Variants in EPB41L4A observed in about 807,000 individuals in gnomAD.
The protein encoded by EPB41L4A is band 4.1-like protein 4A.
In EPB41L4A, 100 loss-of-function variants were observed where a neutral mutation model predicts 108.6. That is an observed-to-expected ratio of 0.92 (90% confidence interval 0.78 to 1.09). The LOEUF is 1.09. EPB41L4A is among the 50% of genes least tolerant of loss of function. EPB41L4A has a pLI of 0.00. For missense variants in EPB41L4A, 1,030 were observed against 842.7 expected (o/e 1.22, Z -2.75); for synonymous variants, 319 against 289.0 (o/e 1.10, Z -1.05).
chr5:112,419,231 C>A lies in EPB41L4A; in HGVS notation c.-192G>T. The A allele has an allele frequency of 2.2e-6, 1 of 455,292 alleles. No homozygotes were observed. The highest frequency in any genetic ancestry group is 4.4e-5 in the Admixed American group (1 of 22,672). 28.2% of individuals were successfully genotyped at this position (455,292 alleles called of 1,614,324 possible). ...CGGGAGCGAGAAAGGCGGAAAAGCC[C>A]GGGAGAGTCAGCGCCCGGGAGCCGC... On this transcript the variant is annotated 5_prime_UTR_variant, in exon 1 of 23. Coordinates refer to ENST00000261486, the MANE Select transcript of EPB41L4A (RefSeq NM_022140.5).
At chr5:112,223,389 T>A (rs1305832872) in intron 12 of EPB41L4A, among the ~76,000 whole-genome samples, 2 of 152,002 alleles carry the variant, frequency 1.3e-5, no homozygotes, top group Non-Finnish European at 2.9e-5. Flanking sequence ...AAAAAATCAA[T>A]CCCAGAGTTT....
chr5:112,174,846 T>A (rs762036299), intron 18 of EPB41L4A, among the ~76,000 whole-genome samples: 1 of 152,182 alleles, frequency 6.6e-6, no homozygotes, highest in Non-Finnish European at 1.5e-5. Context: ...TTATAAAACA[T>A]CTTTATTTAA....
At chr5:112,264,713 T>G in intron 6 of EPB41L4A, 183 bp downstream of exon 6, 1 of 536,656 alleles carries the variant, frequency 1.9e-6, no homozygotes, top group Non-Finnish European at 3.0e-6. Flanking sequence ...CCTTTACACT[T>G]TTTAAATTAC....
At chr5:112,198,966 A>G (rs1411708601) in intron 15 of EPB41L4A, among the ~76,000 whole-genome samples, 1 of 152,172 alleles carries the variant, frequency 6.6e-6, no homozygotes, top group Non-Finnish European at 1.5e-5. Context: ...TCTAGACAGA[A>G]GCAATGCTCA....
intron 1 of EPB41L4A, among the ~76,000 whole-genome samples, chr5:112,353,048 A>G (rs1758143541): frequency 6.6e-6 from 1 of 152,190 alleles, no homozygotes; most frequent in Admixed American, 6.5e-5. Context: ...GATTCTGGAT[A>G]CATACAGCAG....
intron 9 of EPB41L4A, 67 bp from the exon 10 acceptor site, chr5:112,240,877 C>A: frequency 2.1e-6 from 2 of 934,186 alleles, no homozygotes; most frequent in Non-Finnish European, 3.3e-6. Context: ...CTTCAAATAA[C>A]AGCCCCCTTT....
intron 16 of EPB41L4A, 123 bp downstream of exon 16, chr5:112,195,538 C>T (rs1300014449): frequency 1.3e-6 from 1 of 772,032 alleles, no homozygotes; most frequent in South Asian, 1.6e-5. Context: ...TGAAGACAAA[C>T]TGGCTTTTGA....
chr5:112,395,646 T>G (rs1426209162), intron 1 of EPB41L4A, among the ~76,000 whole-genome samples: 2 of 152,176 alleles, frequency 1.3e-5, no homozygotes, highest in Non-Finnish European at 2.9e-5. Flanking sequence ...ACACTGTTGG[T>G]GGGGAATGTA....
At chr5:112,238,106 T>C (rs1052925754) in intron 11 of EPB41L4A, among the ~76,000 whole-genome samples, 1 of 152,168 alleles carries the variant, frequency 6.6e-6, no homozygotes, top group Non-Finnish European at 1.5e-5. Flanking sequence ...ATAATTACAA[T>C]TTTAATAGTA....
At chr5:112,153,566 C>CAT (rs145070214) in intron 12 of EPB41L4A, among the ~76,000 whole-genome samples, 2,331 of 144,836 alleles carry the variant, frequency 0.016, 34 homozygotes, top group African/African-American at 0.038. Flanking sequence ...AAAAAATATA[C>CAT]ATATATATAT....
chr5:112,336,053 C>A (rs977300805), intron 1 of EPB41L4A, among the ~76,000 whole-genome samples: 8 of 152,090 alleles, frequency 5.3e-5, no homozygotes, highest in Middle Eastern at 3.2e-3. Context: ...GGAAAGGCCT[C>A]CTGGAGGAAA....
At chr5:112,319,316 G>A (rs983293415) in intron 1 of EPB41L4A, among the ~76,000 whole-genome samples, 16 of 152,136 alleles carry the variant, frequency 1.1e-4, no homozygotes, top group African/African-American at 3.9e-4. Flanking sequence ...AAAAATCTAT[G>A]AGTCCAAGTG....
chr5:112,352,432 T>C (rs1758105410), intron 1 of EPB41L4A, among the ~76,000 whole-genome samples: 1 of 152,232 alleles, frequency 6.6e-6, no homozygotes, highest in Admixed American at 6.5e-5. Context: ...CCTCATGTTA[T>C]TGATTTCTGG....
chr5:112,355,262 G>T (rs577349420), intron 1 of EPB41L4A, among the ~76,000 whole-genome samples: 1 of 152,210 alleles, frequency 6.6e-6, no homozygotes, highest in African/African-American at 2.4e-5. Flanking sequence ...TAGTTTCTAT[G>T]CAACTAAAAT....
chr5:112,195,073 T>C (rs1325603667), intron 16 of EPB41L4A, among the ~76,000 whole-genome samples: 1 of 152,170 alleles, frequency 6.6e-6, no homozygotes, highest in Non-Finnish European at 1.5e-5. Flanking sequence ...TGACTGATTT[T>C]ACCAATAGAA....
rs541264097 is a variant in EPB41L4A at position 112,381,100 on chromosome 5, G to A, written c.99+37841C>T. On this transcript the variant is annotated intron_variant, in intron 1 of 22. Transcript: ENST00000261486. Reference sequence around the variant, plus strand: ...CGTGAGGCGGCTATGATATTCTGCCGTAAAAATGCATGAACAGTTACACTA... The same window carrying A: ...CGTGAGGCGGCTATGATATTCTGCCATAAAAATGCATGAACAGTTACACTA... Among the ~76,000 whole-genome samples, 82 of 152,230 alleles carry A rather than the reference G, an allele frequency of 5.4e-4. 1 individual carries two copies. Among genetic ancestry groups the A allele is most frequent in the African/African-American group, 1.7e-3 (72 of 41,544 alleles).
chr5:112,144,500 C>T (rs1193214368), intron 13 of EPB41L4A, among the ~76,000 whole-genome samples: 1 of 152,156 alleles, frequency 6.6e-6, no homozygotes, highest in Non-Finnish European at 1.5e-5. Context: ...TGGTCTTGAA[C>T]TCCTGGGCCC....
downstream of EPB41L4A, among the ~76,000 whole-genome samples, chr5:112,157,745 G>A (rs1309624871): frequency 3.9e-5 from 6 of 152,158 alleles, no homozygotes; most frequent in East Asian, 1.9e-4. Flanking sequence ...CATATGCAAA[G>A]CCCCTTCTGC....
chr5:112,257,628 G>C (rs982166837), intron 9 of EPB41L4A, among the ~76,000 whole-genome samples: 21 of 152,132 alleles, frequency 1.4e-4, no homozygotes, highest in Non-Finnish European at 2.2e-4. Context: ...GACAGTAGTA[G>C]ACATATATTT....
Sources: gnomAD v4.1 joint callset for allele counts (sites outside exome capture counted in the v4.1 genomes callset) on GRCh38, gnomAD v4.1.1 for gene constraint, MANE v1.5 for transcripts, NCBI Gene and HGNC (gene_info 2026-07-23, HGNC 2026-07-21) for gene names.